Variants in NTM observed in about 807,000 individuals in gnomAD.
The protein encoded by NTM is IgLON family member 2.
In NTM, 13 loss-of-function variants were observed where a neutral mutation model predicts 42.1. The observed-to-expected ratio is 0.31, with a 90% CI of 0.20 to 0.49. The LOEUF (loss-of-function observed/expected upper bound fraction) is 0.49. NTM is among the 20% of genes least tolerant of loss of function. The pLI is 0.99. For synonymous variants in NTM, 187 were observed against 179.2 expected (o/e 1.04, Z -0.35); for missense variants, 373 against 452.8 (o/e 0.82, Z 1.60).
At chr11:131,800,934 G>C (rs1026845224) in intron 1 of NTM, among the ~76,000 whole-genome samples, 48 of 152,284 alleles carry the variant, frequency 3.2e-4, no homozygotes, top group African/African-American at 1.1e-3. Context: ...TGAATTAATA[G>C]TAGGACGTGG....
At chr11:131,977,440 C>G (rs1425516775) in intron 2 of NTM, among the ~76,000 whole-genome samples, 1 of 152,194 alleles carries the variant, frequency 6.6e-6, no homozygotes, top group Non-Finnish European at 1.5e-5. Flanking sequence ...CTGGGCTCCA[C>G]CAATCACTCA....
At chr11:131,860,962 C>T (rs145323215) in intron 1 of NTM, among the ~76,000 whole-genome samples, 56 of 152,326 alleles carry the variant, frequency 3.7e-4, no homozygotes, top group South Asian at 1.2e-3. Flanking sequence ...CACTTAGAAT[C>T]GAGCCTGATT....
chr11:131,867,302 G>C (rs1489592453), intron 1 of NTM, among the ~76,000 whole-genome samples: 1 of 152,190 alleles, frequency 6.6e-6, no homozygotes, highest in African/African-American at 2.4e-5. Flanking sequence ...GAGTGGAGAG[G>C]TTGCAGCAAG....
intron 1 of NTM, among the ~76,000 whole-genome samples, chr11:131,515,085 T>C (rs551630031): frequency 3.9e-5 from 6 of 152,212 alleles, no homozygotes; most frequent in African/African-American, 1.4e-4. Flanking sequence ...CTAAGTTTTA[T>C]AAATTTTTTT....
At chr11:131,839,177 G>C (rs544764305) in intron 1 of NTM, among the ~76,000 whole-genome samples, 1 of 152,160 alleles carries the variant, frequency 6.6e-6, no homozygotes, top group Non-Finnish European at 1.5e-5. Flanking sequence ...GGCCAGACTG[G>C]TCTCGAACTC....
At chr11:131,680,650 T>G (rs979268043) in intron 1 of NTM, among the ~76,000 whole-genome samples, 33 of 151,670 alleles carry the variant, frequency 2.2e-4, no homozygotes, top group African/African-American at 7.8e-4. Flanking sequence ...TGTGTAGGCA[T>G]GTGTGCCTCT....
At chr11:132,255,554 A>T (rs1212873346) in intron 4 of NTM, among the ~76,000 whole-genome samples, 1 of 152,124 alleles carries the variant, frequency 6.6e-6, no homozygotes, top group Non-Finnish European at 1.5e-5. Flanking sequence ...ATCTCAATTC[A>T]CCTTTCAGAA....
At chr11:131,657,559 C>T (rs1171295127) in intron 1 of NTM, among the ~76,000 whole-genome samples, 2 of 152,198 alleles carry the variant, frequency 1.3e-5, no homozygotes, top group Non-Finnish European at 2.9e-5. Context: ...TCCACTGTCT[C>T]CTCAGAACAC....
intron 1 of NTM, chr11:131,910,024 T>A (rs2054462159): frequency 6.6e-6 from 1 of 152,220 alleles, no homozygotes; most frequent in African/African-American, 2.4e-5. Context: ...ATTTTGATGA[T>A]GCGATTTTTC....
intron 1 of NTM, among the ~76,000 whole-genome samples, chr11:131,808,586 C>T (rs1320239416): frequency 2.6e-5 from 4 of 152,152 alleles, no homozygotes; most frequent in Middle Eastern, 3.2e-3. Context: ...AGAAAATTAG[C>T]AGTACTCAGT....
At chr11:131,878,084 T>C (rs2048799728) in intron 1 of NTM, 2 of 152,192 alleles carry the variant, frequency 1.3e-5, no homozygotes, top group African/African-American at 4.8e-5. Context: ...GGAAAACGTG[T>C]CCTCATTGAG....
chr11:131,598,844 T>TCCTC (rs2060159342), intron 1 of NTM, among the ~76,000 whole-genome samples: 1 of 37,388 alleles, frequency 2.7e-5, no homozygotes, highest in African/African-American at 8.3e-5. Flanking sequence ...TTTCTTTCTT[T>TCCTC]CTTTCTTCCT....
intron 1 of NTM, among the ~76,000 whole-genome samples, chr11:131,565,242 C>T (rs559848955): frequency 6.6e-6 from 1 of 152,358 alleles, no homozygotes; most frequent in East Asian, 1.9e-4. Flanking sequence ...CCTCCAGCCT[C>T]AACCAAACAC....
intron 1 of NTM, among the ~76,000 whole-genome samples, chr11:131,380,000 C>T (rs1336780160): frequency 6.6e-6 from 1 of 152,134 alleles, no homozygotes; most frequent in Non-Finnish European, 1.5e-5. Context: ...CATGTGAAAT[C>T]CTAAGGGTCT....
chr11:132,161,045 C>T (rs907623228), intron 3 of NTM, among the ~76,000 whole-genome samples: 1 of 152,182 alleles, frequency 6.6e-6, no homozygotes, highest in Non-Finnish European at 1.5e-5. Flanking sequence ...TCAGTTTTGA[C>T]AAGAGGGTAT....
In NTM at chr11:132,002,064, A is replaced by G. The variant is rs2069404835; in HGVS notation, c.167+90416A>G. Among the ~76,000 whole-genome samples, 1 of 152,146 alleles carries G rather than the reference A, an allele frequency of 6.6e-6. No individual in the cohort carries two copies. Among genetic ancestry groups the G allele is most frequent in the Admixed American group, 6.5e-5 (1 of 15,272 alleles). On this transcript the variant is annotated intron_variant, in intron 2 of 8. Transcript: ENST00000683400. This position sits in a 1 kb window ranked among gnomAD's most constrained non-coding sequence, Gnocchi z 4.5. ...AAAGAGGAATCAGAATCAGTTAATGAATTAGGCTCACAGGGGTGGAGAGTT... is the reference window on the plus strand; with the variant it reads ...AAAGAGGAATCAGAATCAGTTAATGGATTAGGCTCACAGGGGTGGAGAGTT...
chr11:131,711,572 G>A (rs1328763104), intron 1 of NTM, among the ~76,000 whole-genome samples: 1 of 152,140 alleles, frequency 6.6e-6, no homozygotes, highest in Admixed American at 6.5e-5. Context: ...AGTCAGTGTG[G>A]CGATTCCTCA....
intron 2 of NTM, among the ~76,000 whole-genome samples, chr11:131,967,536 G>A (rs917358819): frequency 7.9e-5 from 12 of 152,168 alleles, no homozygotes; most frequent in African/African-American, 2.9e-4. Context: ...TGAGGACCAA[G>A]CCAGGACCAT....
At chr11:131,402,737 A>G (rs1247457662) in intron 1 of NTM, among the ~76,000 whole-genome samples, 1 of 152,210 alleles carries the variant, frequency 6.6e-6, no homozygotes, top group Non-Finnish European at 1.5e-5. Context: ...GCAGAATGAC[A>G]TATCCTCTGG....
Sources: allele counts gnomAD v4.1 joint callset (sites outside exome capture counted in the v4.1 genomes callset), GRCh38; gene constraint gnomAD v4.1.1; non-coding constraint Gnocchi (gnomAD v3.1); transcripts MANE v1.5; gene names NCBI Gene and HGNC (gene_info 2026-07-23, HGNC 2026-07-21).